FAM167A: variants seen among roughly 807,000 people sequenced by gnomAD.
FAM167A encodes the protein family with sequence similarity 167 member A.
A neutral mutation model predicts 14.9 loss-of-function variants in FAM167A; 23 were observed. The ratio of observed to expected loss-of-function variants is 1.55; its 90% CI spans 1.11 to 2.19. FAM167A has a LOEUF of 2.19. Among genes scored for constraint, FAM167A ranks in the 30% most tolerant of loss-of-function variants. The pLI is 0.00. For synonymous variants in FAM167A, 174 were observed against 117.7 expected (o/e 1.48, Z -3.10); for missense variants, 401 against 281.5 (o/e 1.42, Z -3.04).
Position 11,444,770 on chromosome 8 carries a change from G to C in FAM167A, c.-359C>G, listed in dbSNP as rs1400086724. 1.5e-5 allele frequency: 15 copies of C among 1,021,480 alleles called. No individual in the cohort carries two copies. The African/African-American group carries it at 2.4e-4, about 16-fold the overall frequency. The allele number at this position is 1,021,480 out of a possible 1,614,324, so 63.3% of individuals were successfully genotyped here. On this transcript the variant is annotated 5_prime_UTR_variant, in exon 2 of 3. Transcript: ENST00000284486. ...ACCAGACTGGCAGGAAGAAGGCCCAGAGCTCTCTCTTCTCGGGAAGGGCAG... is the reference window on the plus strand; with the variant it reads ...ACCAGACTGGCAGGAAGAAGGCCCACAGCTCTCTCTTCTCGGGAAGGGCAG...
intron 1 of FAM167A, among the ~76,000 whole-genome samples, chr8:11,450,489 G>A (rs1806979379): frequency 6.6e-6 from 1 of 152,176 alleles, no homozygotes; most frequent in Non-Finnish European, 1.5e-5. Context: ...TATAAGTGGT[G>A]AAGCTGGGAT....
chr8:11,431,444 A>G (rs1805584385), intron 2 of FAM167A, among the ~76,000 whole-genome samples: 1 of 152,210 alleles, frequency 6.6e-6, no homozygotes, highest in South Asian at 2.1e-4. Context: ...GGGAGGATGA[A>G]GTTCTCGAGA....
At chr8:11,437,702 G>A (rs932584462) in intron 2 of FAM167A, among the ~76,000 whole-genome samples, 5 of 152,142 alleles carry the variant, frequency 3.3e-5, no homozygotes, top group Admixed American at 2.0e-4. Context: ...TTTAGCAAAC[G>A]CTCTAGGTGC....
intron 2 of FAM167A, chr8:11,433,957 A>G (rs1805803398): frequency 6.6e-6 from 1 of 152,188 alleles, no homozygotes; most frequent in East Asian, 1.9e-4. Context: ...GTGCAGGAGA[A>G]TCCACTTAGA....
At chr8:11,460,241 G>A (rs1455463653) in intron 1 of FAM167A, among the ~76,000 whole-genome samples, 1 of 152,240 alleles carries the variant, frequency 6.6e-6, no homozygotes, top group Non-Finnish European at 1.5e-5. Context: ...GGTGCCTCCT[G>A]CCTGGGGTCC....
chr8:11,437,829 T>G (rs1806136133), intron 2 of FAM167A, among the ~76,000 whole-genome samples: 1 of 147,220 alleles, frequency 6.8e-6, no homozygotes, highest in African/African-American at 2.7e-5. Context: ...AAGGAGAAAC[T>G]TAATGCAATT....
chr8:11,437,132 A>C (rs6986743), intron 2 of FAM167A, among the ~76,000 whole-genome samples: 2,582 of 152,268 alleles, frequency 0.017, 70 homozygotes, highest in African/African-American at 0.059. Context: ...CAGGGGCCTC[A>C]CAGTTTCCTA....
At chr8:11,428,359 G>C (rs1396305704) in intron 2 of FAM167A, among the ~76,000 whole-genome samples, 1 of 152,256 alleles carries the variant, frequency 6.6e-6, no homozygotes, top group Non-Finnish European at 1.5e-5. Flanking sequence ...AAAGAGGGCT[G>C]ACAGTAAGGC....
chr8:11,426,044 T>C (rs923444144), intron 2 of FAM167A, among the ~76,000 whole-genome samples: 1 of 152,220 alleles, frequency 6.6e-6, no homozygotes, highest in Non-Finnish European at 1.5e-5. Context: ...TAAAGGCTTC[T>C]ACCTGGAGGC....
chr8:11,444,317 G>T lies in FAM167A; in HGVS notation c.95C>A (p.Ala32Asp). ...CTCCAGCCTCAGTTTCTCGGTGAGG[G>T]CCTTCAGGCTCCGGAGGTGGTCATC... The part of the protein sequence containing the change: ...PPDDHLRSLK[A>D]LTEKLRLETR... Residue 32 changes from alanine (A) to aspartate (D), a missense_variant, in exon 2 of 3, where the codon GCC (alanine) becomes GAC (aspartate). Ala to Asp is a moderately radical substitution (Grantham distance 126). Coordinates refer to ENST00000284486, the MANE Select transcript of FAM167A (RefSeq NM_053279.3). 1.2e-6 allele frequency: 2 copies of T among 1,612,346 alleles called. No individual in the cohort carries two copies. Among genetic ancestry groups the T allele is most frequent in the Non-Finnish European group, 1.7e-6 (2 of 1,179,688 alleles).
At chr8:11,445,907 A>T (rs1462242419) in intron 1 of FAM167A, among the ~76,000 whole-genome samples, 1 of 152,134 alleles carries the variant, frequency 6.6e-6, no homozygotes, top group Non-Finnish European at 1.5e-5. Flanking sequence ...AGCTTAAATG[A>T]AGAAAAGCAA....
At chr8:11,458,377 G>A (rs1807413024) in intron 1 of FAM167A, among the ~76,000 whole-genome samples, 1 of 152,232 alleles carries the variant, frequency 6.6e-6, no homozygotes, top group Non-Finnish European at 1.5e-5. Flanking sequence ...CCTGCTGGAT[G>A]GTTTTACTGA....
At chr8:11,456,160 G>A (rs1311376909) in intron 1 of FAM167A, among the ~76,000 whole-genome samples, 1 of 24,800 alleles carries the variant, frequency 4.0e-5, no homozygotes, top group African/African-American at 1.4e-4. Flanking sequence ...AATGTGGGGG[G>A]TGGTTGCCTT....
chr8:11,450,480 A>T (rs189459689), intron 1 of FAM167A, among the ~76,000 whole-genome samples: 1 of 152,346 alleles, frequency 6.6e-6, no homozygotes, highest in African/African-American at 2.4e-5. Context: ...CACAGAGCTT[A>T]TAAGTGGTGA....
chr8:11,442,234 G>A (rs1806482772), intron 2 of FAM167A, among the ~76,000 whole-genome samples: 1 of 152,304 alleles, frequency 6.6e-6, no homozygotes, highest in South Asian at 2.1e-4. Flanking sequence ...AGGCCTGGCA[G>A]GAGATGTGAG....
At chr8:11,446,397 T>G (rs997049135) in intron 1 of FAM167A, 3 of 151,454 alleles carry the variant, frequency 2.0e-5, no homozygotes, top group South Asian at 2.1e-4. Context: ...AGAAACCCGC[T>G]GTCACCTCCA....
intron 1 of FAM167A, among the ~76,000 whole-genome samples, chr8:11,465,670 C>T (rs1304165786): frequency 6.6e-6 from 1 of 152,246 alleles, no homozygotes; most frequent in Non-Finnish European, 1.5e-5. Flanking sequence ...ACGCTCTCCA[C>T]GCTCCATCCC....
In FAM167A at chr8:11,447,795, C is replaced by A. The variant is rs573677864; in HGVS notation, c.-397-2987G>T. ...TGACGCTGGCACATTGCTTCATGAC[C>A]ACTCTGGGCCTCTGTGTCCTCTTCT... On this transcript the variant is annotated intron_variant, in intron 1 of 2. Transcript: ENST00000284486. Among the ~76,000 whole-genome samples, 782 of 152,362 alleles carry A rather than the reference C, an allele frequency of 5.1e-3. 2 individuals are homozygous for A. Among genetic ancestry groups the A allele is most frequent in the Non-Finnish European group, 9.1e-3 (619 of 68,044 alleles).
intron 2 of FAM167A, chr8:11,438,259 C>A: frequency 2.5e-6 from 1 of 405,932 alleles, no homozygotes; most frequent in South Asian, 1.8e-5. Context: ...CTTGACCCTG[C>A]AAGACAGCCA....
Sources: allele counts gnomAD v4.1 joint callset (sites outside exome capture counted in the v4.1 genomes callset), GRCh38; gene constraint gnomAD v4.1.1; transcripts MANE v1.5; gene names NCBI Gene and HGNC (gene_info 2026-07-23, HGNC 2026-07-21).